The following ZP2 variants were observed in gnomAD, a reference collection of about 807,000 sequenced individuals.
ZP2 encodes the protein zona pellucida sperm-binding protein 2.
A neutral mutation model predicts 84.0 loss-of-function variants in ZP2; 51 were observed. That is an observed-to-expected ratio of 0.61 (90% CI 0.49 to 0.77). ZP2 has a LOEUF of 0.77. Ranked by LOEUF, ZP2 falls within the 30% of genes least tolerant of loss-of-function variation. The pLI, the probability that ZP2 is intolerant of heterozygous loss-of-function variation, is 0.00. For synonymous variants in ZP2, 375 were observed against 330.9 expected, an observed-to-expected ratio of 1.13 and a Z score of -1.45; for missense variants, 909 against 911.9, an observed-to-expected ratio of 1.00 and a Z score of 0.04.
intron 17 of ZP2, 135 bp downstream of exon 17, chr16:21,198,644 T>C (rs1340074082): frequency 5.8e-6 from 4 of 687,588 alleles, no homozygotes; most frequent in Non-Finnish European, 9.7e-6. Flanking sequence ...AGCCTACTTC[T>C]GGGAAGAGAC....
chr16:21,202,121 A>C lies in ZP2; in HGVS notation c.1270T>G (p.Cys424Gly). ...GTACTAACCTTATATCTCGTTCCAC[A>C]TCCATTCAGGGGTATGTGGAACCGT... ...LVRFHIPLNG[C>G]GTRYKFEDDK... Residue 424 changes from cysteine (C) to glycine (G), a missense_variant, in exon 11 of 19, where the codon TGT becomes GGT. By Grantham distance (159) the Cys-to-Gly change is radical (BLOSUM62 -3). Coordinates refer to ENST00000574091, the MANE Select transcript of ZP2 (RefSeq NM_001376232.1). 3.1e-6 allele frequency: 5 copies of C among 1,613,260 alleles called. No homozygotes were observed. Among genetic ancestry groups the C allele is most frequent in the Non-Finnish European group, 4.2e-6 (5 of 1,179,622 alleles).
rs779162964 is a variant in ZP2, at chr16:21,201,501, C to T, written c.1562G>A (p.Arg521His). 1.9e-5 allele frequency: 30 copies of T among 1,613,478 alleles called. No individual in the cohort carries two copies. In the South Asian group the frequency reaches 1.9e-4, roughly 10 times the overall value. The part of the protein sequence containing the change: ...ENEYPLVRFL[R>H]QPIYMEVRVL... ...TCTCACTTCCATGTAAATTGGTTGG[C>T]GGAGGAATCTCACTAGAGGGTACTC... Residue 521 changes from arginine (R) to histidine (H), a missense_variant, in exon 14 of 19, where the codon CGC becomes CAC. Physicochemically the swap from Arg to His is conservative, Grantham distance 29. Transcript: ENST00000574091.
In ZP2 at chr16:21,197,746, G is replaced by C; in HGVS notation, c.2095+20C>G. The C allele has an allele frequency of 6.2e-7, 1 of 1,613,826 alleles. No individual in the cohort carries two copies. Among genetic ancestry groups the C allele is most frequent in the Non-Finnish European group, 8.5e-7 (1 of 1,179,742 alleles). ...TTCAACAGGCTTATTTCAGAAGTTT[G>C]CAACATTGAATAAACTTACCTCGTG... On this transcript the variant is annotated intron_variant, in intron 18 of 18. Coordinates refer to ENST00000574091, the MANE Select transcript of ZP2 (RefSeq NM_001376232.1).
chr16:21,199,574 C>T lies in ZP2; in HGVS notation c.1923G>A (p.Arg641=). 1 of 1,587,800 alleles carries T rather than the reference C, an allele frequency of 6.3e-7. No homozygotes were observed. The highest frequency in any genetic ancestry group is 1.2e-5 in the South Asian group (1 of 85,856). ...ACAGGAATTTGAAGTTTTTACCTCG[C>T]CTGTGCCTAGAGGACACAGGGCAGG... ...SVTCPVSSRH[R]RATGATEAEK... is the part of the protein sequence containing the mutation. The change falls in exon 16 of 19, where the codon AGG becomes AGA. Residue 641 remains arginine (R), a synonymous_variant. Coordinates refer to ENST00000574091, the MANE Select transcript of ZP2 (RefSeq NM_001376232.1).
At chr16:21,209,856 T>C (rs930324687) in intron 3 of ZP2, 131 bp from the exon 4 acceptor site, 11 of 820,904 alleles carry the variant, frequency 1.3e-5, no homozygotes, top group South Asian at 3.2e-5. Context: ...AACTCAGTGA[T>C]AGAACTTGAG....
At chr16:21,201,859 C>G (rs751664646) in intron 12 of ZP2, 29 bp from the exon 13 acceptor site, 3 of 1,613,042 alleles carry the variant, frequency 1.9e-6, no homozygotes, top group Admixed American at 3.3e-5. Context: ...AAGGTAGGTA[C>G]AGAAAATTTC....
chr16:21,201,624 AT>A, intron 13 of ZP2, 66 bp from the exon 14 acceptor site: 2 of 1,608,908 alleles, frequency 1.2e-6, no homozygotes, highest in Non-Finnish European at 1.7e-6. Context: ...TCACTGCTCC[AT>A]TAGTCTGGCA....
chr16:21,198,951 T>C (rs1240078594), intron 16 of ZP2, 89 bp from the exon 17 acceptor site: 9 of 1,163,908 alleles, frequency 7.7e-6, no homozygotes, highest in Non-Finnish European at 1.1e-5. Context: ...AGAAGCTCTC[T>C]GGAGTATTTT....
chr16:21,213,757 G>A (rs1362296730), upstream of ZP2, among the ~76,000 whole-genome samples: 1 of 152,138 alleles, frequency 6.6e-6, no homozygotes, highest in Middle Eastern at 3.2e-3. Flanking sequence ...ATAAGTTTTT[G>A]GGGATAGAGA....
chr16:21,202,488 A>C (rs1465551609), intron 10 of ZP2, among the ~76,000 whole-genome samples, 197 bp from the exon 11 acceptor site: 1 of 152,194 alleles, frequency 6.6e-6, no homozygotes, highest in African/African-American at 2.4e-5. Context: ...GTTCTATGTG[A>C]GAGTAGGACT....
At position 21,203,159 on chromosome 16, in the gene ZP2, A is replaced by G; in HGVS notation, c.1065T>C (p.Tyr355=). 1.2e-6 allele frequency: 2 copies of G among 1,614,002 alleles called. No individual in the cohort carries two copies. Among genetic ancestry groups the G allele is most frequent in the Non-Finnish European group, 1.7e-6 (2 of 1,179,922 alleles). ...LRPETVSMVI[Y]PECLCESPVS... is the part of the protein sequence containing the mutation. ...CGGGTGACTCACAGAGACACTCAGG[A>G]TAGATCACCATGGATACTGTCTCTG... is the stretch of plus-strand genomic sequence containing the variant. The change falls in exon 10 of 19, where the codon TAT becomes TAC. Residue 355 remains tyrosine (Y), a synonymous_variant. Transcript: ENST00000574091.
In ZP2 at chr16:21,203,169, A is replaced by G. The variant is rs1324845563; in HGVS notation, c.1055T>C (p.Met352Thr). 1 of 1,614,034 alleles carries G rather than the reference A, an allele frequency of 6.2e-7. No individual in the cohort carries two copies. Among genetic ancestry groups the G allele is most frequent in the East Asian group, 2.2e-5 (1 of 44,872 alleles). ...TFLLRPETVS[M>T]VIYPECLCES... ...ACAGAGACACTCAGGATAGATCACC[A>G]TGGATACTGTCTCTGGCCGAAGGAG... Residue 352 changes from methionine to threonine, a missense_variant, in exon 10 of 19, where the codon ATG (methionine) becomes ACG (threonine). Met to Thr is a moderately conservative substitution (Grantham distance 81). Transcript: ENST00000574091.
At chr16:21,212,042 C>T (rs566345777), upstream of ZP2, among the ~76,000 whole-genome samples, 2 of 152,098 alleles carry the variant, frequency 1.3e-5, no homozygotes, top group South Asian at 4.2e-4. Context: ...ATTCTCCTGC[C>T]TCAGCCTCCT....
intron 4 of ZP2, 112 bp downstream of exon 4, chr16:21,209,519 T>C: frequency 1.1e-6 from 1 of 871,158 alleles, no homozygotes. Flanking sequence ...ACCACCCCCT[T>C]GGTTGAGAGC....
chr16:21,201,822 A>G lies in ZP2; in HGVS notation c.1388T>C (p.Val463Ala). Residue 463 changes from valine (V) to alanine (A), a missense_variant, in exon 13 of 19, where the codon GTG becomes GCG. Coordinates refer to ENST00000574091, the MANE Select transcript of ZP2 (RefSeq NM_001376232.1). ...ISRDSEFRMT[V>A]KCSYSRNDML... The stretch of plus-strand genomic sequence containing the variant: ...GTCATTCCTGCTATAAGAACACTTC[A>G]CTGTCATTCTGTAAGAGTTTGGAGG... The G allele has an allele frequency of 6.2e-7, 1 of 1,614,128 alleles. No homozygotes were observed. Among genetic ancestry groups the G allele is most frequent in the Non-Finnish European group, 8.5e-7 (1 of 1,180,000 alleles).
upstream of ZP2, among the ~76,000 whole-genome samples, chr16:21,214,016 C>T (rs544870618): frequency 2.6e-5 from 4 of 151,968 alleles, no homozygotes; most frequent in East Asian, 1.9e-4. Context: ...CCCTTCCCAC[C>T]GCGCTACTCA....
rs376079601 is a variant in ZP2 at position 21,204,417 on chromosome 16, A to G, written c.694-13T>C. 4.4e-6 allele frequency: 7 copies of G among 1,604,376 alleles called. No individual in the cohort carries two copies. The African/African-American group carries it at 8.0e-5, about 18-fold the overall frequency. ...GACTGTTACCTTGCTAGGGGGAGAA[A>G]TAACAGTGATCTTCAAAAACATTGG... is the stretch of plus-strand genomic sequence containing the variant. On this transcript the variant is annotated splice_polypyrimidine_tract_variant and intron_variant, in intron 7 of 18. Transcript: ENST00000574091.
At position 21,204,057 on chromosome 16, in the gene ZP2, A is replaced by G; in HGVS notation, c.945T>C (p.His315=). 1 of 1,613,962 alleles carries G rather than the reference A, an allele frequency of 6.2e-7. No homozygotes were observed. The highest frequency in any genetic ancestry group is 8.5e-7 in the Non-Finnish European group (1 of 1,180,024). The change falls in exon 9 of 19, where the codon CAT becomes CAC. Residue 315 remains histidine, a synonymous_variant. Coordinates refer to ENST00000574091, the MANE Select transcript of ZP2 (RefSeq NM_001376232.1). ...DLEATNGMKL[H]FSKTLLKTKL... ...TCGTTTTGAGCAGAGTTTTGCTGAA[A>G]TGCAATTTCATGCCATTTGTTGCTT...
In ZP2 at chr16:21,209,707, A is replaced by G. The variant is rs770647233; in HGVS notation, c.254T>C (p.Met85Thr). The G allele has an allele frequency of 1.2e-6, 2 of 1,614,152 alleles. No homozygotes were observed. The highest frequency in any genetic ancestry group is 1.1e-5 in the South Asian group (1 of 91,084). ...GTCCAGGATGTAAGTGCAGTTCGGCATGTCGAGACCAAGAGGATCTGCCAA... is the reference window on the plus strand; with the variant it reads ...GTCCAGGATGTAAGTGCAGTTCGGCGTGTCGAGACCAAGAGGATCTGCCAA... ...ASVVDPLGLD[M>T]PNCTYILDPE... Residue 85 changes from methionine to threonine, a missense_variant, in exon 4 of 19, where the codon ATG becomes ACG. Met to Thr is a moderately conservative substitution (Grantham distance 81). Transcript: ENST00000574091.
Sources: gnomAD v4.1 joint callset for allele counts (sites outside exome capture counted in the v4.1 genomes callset) on GRCh38, gnomAD v4.1.1 for gene constraint, MANE v1.5 for transcripts, NCBI Gene and HGNC (gene_info 2026-07-23, HGNC 2026-07-21) for gene names.